PLCB4: variants seen among roughly 807,000 people sequenced by gnomAD.
PLCB4 encodes phospholipase C beta 4.
PLCB4 carries 77 observed loss-of-function variants against 178.8 expected under a neutral mutation model. That is an observed-to-expected ratio of 0.43 (90% CI 0.36 to 0.52). PLCB4 has a LOEUF of 0.52. Ranked by LOEUF, PLCB4 falls within the 20% of genes least tolerant of loss-of-function variation. The pLI is 0.00. For synonymous variants in PLCB4, 496 were observed against 490.8 expected (o/e 1.01, Z -0.14); for missense variants, 1,024 against 1,453.4 (o/e 0.70, Z 4.80).
At chr20:9,111,328 T>A (rs956197483) in intron 2 of PLCB4, among the ~76,000 whole-genome samples, 5 of 152,190 alleles carry the variant, frequency 3.3e-5, no homozygotes, top group Admixed American at 1.3e-4. Flanking sequence ...GAAATTGAGA[T>A]CTCATGCTTT....
chr20:9,340,489 G>A (rs557035416), intron 7 of PLCB4, among the ~76,000 whole-genome samples: 55 of 152,260 alleles, frequency 3.6e-4, no homozygotes, highest in African/African-American at 1.2e-3. Context: ...GTGGATGCTC[G>A]ATGTCACATA....
At chr20:9,335,061 G>A (rs2032255211) in intron 4 of PLCB4, among the ~76,000 whole-genome samples, 1 of 152,116 alleles carries the variant, frequency 6.6e-6, no homozygotes, top group African/African-American at 2.4e-5. Context: ...AAGAATGATA[G>A]TGGCTGATTC....
chr20:9,141,670 A>G (rs1008326468), intron 2 of PLCB4, among the ~76,000 whole-genome samples: 4 of 152,142 alleles, frequency 2.6e-5, no homozygotes, highest in Non-Finnish European at 2.9e-5. Context: ...ACAAGTTGGT[A>G]TATAATCTTG....
At chr20:9,318,905 A>G (rs972773782) in intron 4 of PLCB4, among the ~76,000 whole-genome samples, 1 of 152,228 alleles carries the variant, frequency 6.6e-6, no homozygotes, top group South Asian at 2.1e-4. Flanking sequence ...ATAAAGAGAA[A>G]AATGCTCAAT....
intron 33 of PLCB4, 99 bp from the exon 34 acceptor site, chr20:9,457,315 A>T (rs991704859): frequency 1.4e-6 from 1 of 715,668 alleles, no homozygotes; most frequent in Admixed American, 2.1e-5. Context: ...CTCATATTTG[A>T]TGAATATATT....
At chr20:9,348,573 C>T (rs7275078) in intron 7 of PLCB4, among the ~76,000 whole-genome samples, 19,681 of 151,892 alleles carry the variant, frequency 0.13, 2,117 homozygotes, top group African/African-American at 0.3. Flanking sequence ...GTCCATGGGG[C>T]GAGCTCTGTT....
rs1269090311 is a variant in PLCB4 at position 9,234,062 on chromosome 20, G to C, written c.-16+16610G>C. Among the ~76,000 whole-genome samples the C allele has an allele frequency of 2.6e-5, 4 of 152,102 alleles. No homozygotes were observed. The South Asian group carries it at 8.3e-4, about 32-fold the overall frequency. On this transcript the variant is annotated intron_variant, in intron 3 of 39. Coordinates refer to ENST00000378473, the MANE Select transcript of PLCB4 (RefSeq NM_001377142.1). ...GACGTAGAGAAAATAAGCAAGTTTG[G>C]GAACTATTTTCAAGGCACTTCAGCA...
intron 2 of PLCB4, among the ~76,000 whole-genome samples, chr20:9,153,122 A>G (rs1286032969): frequency 6.6e-6 from 1 of 152,162 alleles, no homozygotes; most frequent in Admixed American, 6.5e-5. Flanking sequence ...TTTTGATTTT[A>G]CAGGCTCATA....
At chr20:9,072,356 G>T (rs1465704121) in intron 1 of PLCB4, among the ~76,000 whole-genome samples, 1 of 151,578 alleles carries the variant, frequency 6.6e-6, no homozygotes, top group Non-Finnish European at 1.5e-5. Flanking sequence ...TTTTGATAAA[G>T]CCTCACCCTT....
At chr20:9,404,738 T>A (rs1056066253) in intron 20 of PLCB4, among the ~76,000 whole-genome samples, 6 of 152,154 alleles carry the variant, frequency 3.9e-5, no homozygotes, top group Admixed American at 2.6e-4. Flanking sequence ...TTCTAGAGTC[T>A]AAGAAGTCTA....
intron 2 of PLCB4, among the ~76,000 whole-genome samples, chr20:9,107,738 G>A (rs1205459697): frequency 1.3e-5 from 2 of 152,102 alleles, no homozygotes; most frequent in Non-Finnish European, 2.9e-5. Flanking sequence ...GGAGAATTGG[G>A]ACCCAAGAGT....
intron 1 of PLCB4, among the ~76,000 whole-genome samples, chr20:9,079,469 A>AAT (rs1239787917): frequency 1.3e-5 from 2 of 152,106 alleles, no homozygotes; most frequent in Non-Finnish European, 2.9e-5. Flanking sequence ...GACAGAGGGG[A>AAT]ATATATATAC....
chr20:9,204,430 C>T (rs1568945170), intron 2 of PLCB4, among the ~76,000 whole-genome samples: 1 of 151,986 alleles, frequency 6.6e-6, no homozygotes, highest in Non-Finnish European at 1.5e-5. Flanking sequence ...ACAATCTCGG[C>T]TCACTGCAAA....
intron 2 of PLCB4, among the ~76,000 whole-genome samples, chr20:9,202,689 C>T (rs974490297): frequency 2.6e-5 from 4 of 152,156 alleles, no homozygotes; most frequent in African/African-American, 9.7e-5. Flanking sequence ...GTGGTGCTGA[C>T]AAAGGCTGGG....
intron 3 of PLCB4, among the ~76,000 whole-genome samples, chr20:9,244,183 T>C (rs2094099526): frequency 6.6e-6 from 1 of 152,192 alleles, no homozygotes; most frequent in South Asian, 2.1e-4. Context: ...TCATTTCTCT[T>C]TCTCTACTCA....
At chr20:9,440,755 C>T (rs924259179) in intron 30 of PLCB4, among the ~76,000 whole-genome samples, 8 of 152,132 alleles carry the variant, frequency 5.3e-5, no homozygotes, top group African/African-American at 1.9e-4. Flanking sequence ...GTCTGCCACC[C>T]TGATCATAAT....
At chr20:9,349,468 C>T (rs1360505531) in intron 7 of PLCB4, among the ~76,000 whole-genome samples, 1 of 152,174 alleles carries the variant, frequency 6.6e-6, no homozygotes, top group African/African-American at 2.4e-5. Flanking sequence ...CCGCAAATCC[C>T]CATGATCTGT....
chr20:9,187,252 G>T (rs1600996329), intron 2 of PLCB4, among the ~76,000 whole-genome samples: 1 of 152,186 alleles, frequency 6.6e-6, no homozygotes, highest in Admixed American at 6.5e-5. Context: ...TGGGATTACA[G>T]GCATGAGCAC....
chr20:9,384,170 A>C lies in PLCB4; in HGVS notation c.854-31A>C, dbSNP rs755843807. On this transcript the variant is annotated intron_variant, in intron 13 of 39. Transcript: ENST00000378473. ...ATGAGATATGCATCTTCAGAGCTACAAGTGCTACTAAGATGTTCTTTTTCC... is the reference window on the plus strand; with the variant it reads ...ATGAGATATGCATCTTCAGAGCTACCAGTGCTACTAAGATGTTCTTTTTCC... 1.1e-5 allele frequency: 16 copies of C among 1,483,518 alleles called. 1 individual carries two copies. Among genetic ancestry groups the C allele is most frequent in the Non-Finnish European group, 1.5e-5 (16 of 1,061,078 alleles). 91.9% of individuals were successfully genotyped at this position (1,483,518 alleles called of 1,614,324 possible). A position where few individuals can be genotyped will look rare whatever the true frequency, so the allele number is the denominator to read the frequency against.
Sources: gnomAD v4.1 joint callset for allele counts (sites outside exome capture counted in the v4.1 genomes callset) on GRCh38, gnomAD v4.1.1 for gene constraint, MANE v1.5 for transcripts, NCBI Gene and HGNC (gene_info 2026-07-23, HGNC 2026-07-21) for gene names.